MYH7B: variants seen among roughly 807,000 people sequenced by gnomAD.
MYH7B encodes the protein myosin-7B.
A neutral mutation model predicts 234.5 loss-of-function variants in MYH7B; 205 were observed. The observed-to-expected ratio is 0.87, with a 90% CI of 0.78 to 0.98. The LOEUF (loss-of-function observed/expected upper bound fraction) is 0.98, where lower values mean the gene tolerates loss of function less well. MYH7B is among the 50% of genes least tolerant of loss of function. MYH7B has a pLI of 0.00. For missense variants in MYH7B, 2,652 were observed against 2,633.4 expected (o/e 1.01, Z -0.15); for synonymous variants, 1,193 against 1,105.0 (o/e 1.08, Z -1.58).
chr20:34,980,866 C>T (rs1167298751), intron 8 of MYH7B, 132 bp downstream of exon 8: 2 of 1,493,966 alleles, frequency 1.3e-6, no homozygotes, highest in Middle Eastern at 1.9e-4. Flanking sequence ...CCCAGCCGTT[C>T]TGTCCCTCCG....
At chr20:34,999,620 C>A in exon 37 of MYH7B, 1 of 1,613,612 alleles carries the variant, frequency 6.2e-7, no homozygotes, top group Non-Finnish European at 8.5e-7. Flanking sequence ...GGAAGAGCAT[C>A]CAGGAACTGG....
chr20:35,000,320 C>T (rs1414844508), exon 39 of MYH7B: 2 of 1,590,914 alleles, frequency 1.3e-6, no homozygotes, highest in Non-Finnish European at 1.7e-6. Flanking sequence ...CTGTGGAGTC[C>T]CTGCAGGCCT....
chr20:34,983,494 G>A (rs2147184202), intron 10 of MYH7B, among the ~76,000 whole-genome samples: 2 of 152,086 alleles, frequency 1.3e-5, no homozygotes, highest in South Asian at 4.2e-4. Context: ...TGGGTCAAGT[G>A]ACAGGAAGAG....
chr20:34,992,272 G>T (rs556439815), intron 24 of MYH7B, among the ~76,000 whole-genome samples: 1 of 151,608 alleles, frequency 6.6e-6, no homozygotes, highest in Non-Finnish European at 1.5e-5. Context: ...TGTAGTCCCA[G>T]CTACTCGGGA....
chr20:34,994,912 G>A (rs1430221314), intron 27 of MYH7B, among the ~76,000 whole-genome samples: 1 of 152,260 alleles, frequency 6.6e-6, no homozygotes, highest in East Asian at 1.9e-4. Context: ...TCACCTGCTA[G>A]TGCAGGAGAC....
At chr20:34,994,642 C>G (rs2082219512) in intron 27 of MYH7B, among the ~76,000 whole-genome samples, 1 of 152,200 alleles carries the variant, frequency 6.6e-6, no homozygotes, top group African/African-American at 2.4e-5. Context: ...CCCCAGCTCC[C>G]CAGCTCTCCC....
chr20:34,979,162 C>T (rs1404489733), intron 5 of MYH7B, among the ~76,000 whole-genome samples: 2 of 152,166 alleles, frequency 1.3e-5, no homozygotes, highest in Non-Finnish European at 2.9e-5. Flanking sequence ...AATTGGAACC[C>T]AACCATTAAC....
At chr20:34,997,363 TGGA>T (rs1293191169) in exon 32 of MYH7B, 9 of 1,529,212 alleles carry the variant, frequency 5.9e-6, no homozygotes, top group South Asian at 2.4e-5. Flanking sequence ...AGCGAGCGGC[TGGA>T]GGAGGCAGGC....
chr20:34,996,777 C>A lies in MYH7B; in HGVS notation c.3266+19C>A. On this transcript the variant is annotated intron_variant, in intron 30 of 44. Transcript: ENST00000262873. ...TCAAGAAGTAGGTGTGGTGGGGCAG[C>A]AGGTGGGGGCCTTCTGAGCCTGCAC... 1 of 1,600,836 alleles carries A rather than the reference C, an allele frequency of 6.2e-7. No individual in the cohort carries two copies. The highest frequency in any genetic ancestry group is 8.5e-7 in the Non-Finnish European group (1 of 1,174,778).
At chr20:34,976,845 G>C (rs939664057) in intron 3 of MYH7B, among the ~76,000 whole-genome samples, 3 of 152,184 alleles carry the variant, frequency 2.0e-5, no homozygotes, top group Non-Finnish European at 4.4e-5. Flanking sequence ...TAAGTGCAAA[G>C]CTACATTTTC....
At chr20:34,977,224 C>T (rs1256849257) in intron 3 of MYH7B, among the ~76,000 whole-genome samples, 1 of 152,054 alleles carries the variant, frequency 6.6e-6, no homozygotes, top group African/African-American at 2.4e-5. Flanking sequence ...TTCTCTGGGC[C>T]TCAGTTTCCC....
chr20:34,960,080 C>G (rs1180024999), intron 2 of MYH7B, among the ~76,000 whole-genome samples: 2 of 152,172 alleles, frequency 1.3e-5, no homozygotes, highest in African/African-American at 4.8e-5. Flanking sequence ...CAATTTCATC[C>G]TCTGTTCTTG....
chr20:34,981,924 A>G (rs1250218332), intron 9 of MYH7B: 1 of 151,144 alleles, frequency 6.6e-6, no homozygotes, highest in Non-Finnish European at 1.5e-5. Context: ...GTGGTGGCTC[A>G]CACCTGTAAT....
rs755420942 is a variant in MYH7B, at chr20:34,980,637, G to T, written c.402G>T (p.Thr134=). The change falls in exon 8 of 45, where the codon ACG becomes ACT. Residue 134 remains threonine (T), a synonymous_variant. Transcript: ENST00000262873. ...CCTACAAATGGCTCCCAGTCTATAC[G>T]GCCTCCGTAGTGGCTGCTTACAAGG... 1.9e-6 allele frequency: 3 copies of T among 1,614,122 alleles called. No homozygotes were observed. In the South Asian group the frequency reaches 3.3e-5, roughly 18 times the overall value.
At chr20:34,995,673 C>G (rs2082243644) in intron 28 of MYH7B, 95 bp downstream of exon 28, 1 of 1,536,224 alleles carries the variant, frequency 6.5e-7, no homozygotes, top group Non-Finnish European at 8.7e-7. Context: ...TGCTAAGCCT[C>G]TGCTTTCTGG....
At chr20:34,981,120 G>A (rs1453676565) in intron 9 of MYH7B, 60 bp downstream of exon 9, 7 of 1,594,512 alleles carry the variant, frequency 4.4e-6, no homozygotes, top group East Asian at 4.5e-5. Context: ...GAAAGAGGGC[G>A]GTACCACAGT....
rs1346881284 is a variant in MYH7B at position 34,984,863 on chromosome 20, G to T, written c.658G>T (p.Glu220Ter). ...ACCCCCACCGCCCCAGGGCACCCTT[G>T]AGGATCAAATCATCGAGGCCAACCC... is the stretch of plus-strand genomic sequence containing the variant. Residue 220 changes from glutamate to a stop codon, truncating the protein, a stop_gained, in exon 12 of 45, where the codon GAG becomes TAG. Coordinates refer to ENST00000262873, the Ensembl canonical transcript of MYH7B. LOFTEE classifies it high-confidence loss of function. The T allele has an allele frequency of 6.2e-7, 1 of 1,613,874 alleles. No homozygotes were observed. Among genetic ancestry groups the T allele is most frequent in the African/African-American group, 1.3e-5 (1 of 74,934 alleles).
At chr20:34,975,348 G>A (rs967747192) in intron 2 of MYH7B, 52 bp from the exon 3 acceptor site, 3 of 559,972 alleles carry the variant, frequency 5.4e-6, no homozygotes, top group Non-Finnish European at 9.7e-6. Context: ...GAGACTACAG[G>A]TGCATGCCAC....
In MYH7B at chr20:34,998,531, G is replaced by T. The variant is rs760859188; in HGVS notation, c.3895G>T (p.Glu1299Ter). The change falls in exon 34 of 45, where the codon GAG becomes TAG. Residue 1299 changes from glutamate to a stop codon, truncating the protein, a stop_gained. Coordinates refer to ENST00000262873, the Ensembl canonical transcript of MYH7B. LOFTEE classifies it high-confidence loss of function. ...TGCAGGGGAGCTGAGTCGCCTGCTA[G>T]AGGAGAAGGAGTGTCTGATCAGTCA... 6.2e-6 allele frequency: 10 copies of T among 1,613,526 alleles called. No homozygotes were observed. In the African/African-American group the frequency reaches 1.3e-4, roughly 22 times the overall value.
Sources: allele counts gnomAD v4.1 joint callset (sites outside exome capture counted in the v4.1 genomes callset), GRCh38; gene constraint gnomAD v4.1.1; transcripts MANE v1.5; gene names NCBI Gene and HGNC (gene_info 2026-07-23, HGNC 2026-07-21).